SHB: variants seen among roughly 807,000 people sequenced by gnomAD.
The protein encoded by SHB is SH2 domain containing adaptor protein B, also known as SH2 domain-containing adapter protein B.
In SHB, 20 loss-of-function variants were observed where a neutral mutation model predicts 52.3. The observed-to-expected ratio is 0.38, with a 90% CI of 0.27 to 0.56. The LOEUF is 0.56. Among genes scored for constraint, SHB ranks in the 20% least tolerant of loss-of-function variants. The pLI, the probability that SHB is intolerant of heterozygous loss-of-function variation, is 0.71. For missense variants in SHB, 825 were observed against 723.3 expected (o/e 1.14, Z -1.61); for synonymous variants, 397 against 316.5 (o/e 1.25, Z -2.70).
intron 1 of SHB, among the ~76,000 whole-genome samples, chr9:38,049,635 CAA>C (rs147034881): frequency 6.7e-4 from 46 of 68,432 alleles, no homozygotes; most frequent in Non-Finnish European, 8.7e-4. Context: ...AAAAACAAAG[CAA>C]AAAAAAAAAA....
At chr9:38,060,267 C>T (rs186504290) in intron 1 of SHB, among the ~76,000 whole-genome samples, 8 of 152,204 alleles carry the variant, frequency 5.3e-5, no homozygotes, top group South Asian at 2.1e-4. Flanking sequence ...CTCTGCCTCC[C>T]GGGTTCAAGC....
At chr9:38,048,654 A>G (rs1821691409) in intron 1 of SHB, among the ~76,000 whole-genome samples, 4 of 152,184 alleles carry the variant, frequency 2.6e-5, no homozygotes, top group Admixed American at 2.0e-4. Context: ...TGATAAATAC[A>G]CATACAAAAA....
chr9:37,991,048 A>G (rs955848823), intron 2 of SHB, among the ~76,000 whole-genome samples: 4 of 152,238 alleles, frequency 2.6e-5, no homozygotes, highest in Non-Finnish European at 5.9e-5. Flanking sequence ...CTTCTTACTC[A>G]GAGCACATAT....
chr9:38,005,102 G>A (rs886637938), intron 2 of SHB, among the ~76,000 whole-genome samples: 2 of 152,194 alleles, frequency 1.3e-5, no homozygotes, highest in African/African-American at 4.8e-5. Context: ...CCCTCCAGGG[G>A]TTCCCAGTCT....
rs150262859 is a variant in SHB, at chr9:38,065,234, C to G, written c.717+2695G>C. ...TGTCTGGCTGGAAATAATGTGAAAACAACTGCTTCCTGACTGCCTGATGGG... is the reference window on the plus strand; with the variant it reads ...TGTCTGGCTGGAAATAATGTGAAAAGAACTGCTTCCTGACTGCCTGATGGG... On this transcript the variant is annotated intron_variant, in intron 1 of 5. Transcript: ENST00000377707. Among the ~76,000 whole-genome samples, 58 of 152,314 alleles carry G rather than the reference C, an allele frequency of 3.8e-4. 1 individual carries two copies. In the East Asian group the frequency reaches 0.011, roughly 28 times the overall value.
At chr9:38,009,653 T>C (rs141058868) in intron 2 of SHB, among the ~76,000 whole-genome samples, 123 of 152,252 alleles carry the variant, frequency 8.1e-4, no homozygotes, top group African/African-American at 2.8e-3. Context: ...ATGTTGCCAC[T>C]AGAAGAGGCC....
chr9:37,958,311 G>A (rs570360785), intron 3 of SHB, among the ~76,000 whole-genome samples: 1 of 152,174 alleles, frequency 6.6e-6, no homozygotes, highest in African/African-American at 2.4e-5. Context: ...CATGAGAGGA[G>A]GACTACGGGT....
chr9:38,063,428 T>C (rs1821919232), intron 1 of SHB, among the ~76,000 whole-genome samples: 1 of 152,216 alleles, frequency 6.6e-6, no homozygotes, highest in Non-Finnish European at 1.5e-5. Context: ...CCCCCAGCCA[T>C]CCTCTCCAGC....
At chr9:37,949,422 A>C (rs1431142568) in intron 4 of SHB, among the ~76,000 whole-genome samples, 1 of 151,878 alleles carries the variant, frequency 6.6e-6, no homozygotes, top group Non-Finnish European at 1.5e-5. Flanking sequence ...AAAAAGAAAA[A>C]AGAAAATGGA....
chr9:38,068,137 G>C lies in SHB; in HGVS notation c.509C>G (p.Pro170Arg). 1 of 1,439,624 alleles carries C rather than the reference G, an allele frequency of 6.9e-7. No individual in the cohort carries two copies. The highest frequency in any genetic ancestry group is 9.0e-7 in the Non-Finnish European group (1 of 1,108,798). 89.2% of individuals were successfully genotyped at this position (1,439,624 alleles called of 1,614,324 possible). ...HLYRSSSERR[P>R]ATPAEVRYIS... ...GTAGCGCACCTCGGCCGGCGTGGCG[G>C]GCCGCCGCTCGCTGCTGCTGCGGTA... Residue 170 changes from proline (P) to arginine (R), a missense_variant, in exon 1 of 6, where the codon CCC (proline) becomes CGC (arginine). Coordinates refer to ENST00000377707, the MANE Select transcript of SHB (RefSeq NM_003028.3).
intron 1 of SHB, among the ~76,000 whole-genome samples, chr9:38,054,162 C>A (rs1365402857): frequency 6.6e-6 from 1 of 152,230 alleles, no homozygotes; most frequent in Non-Finnish European, 1.5e-5. Context: ...GACCCTAAAG[C>A]CAGTGAGTGT....
At chr9:37,985,550 G>C (rs1820794571) in intron 2 of SHB, among the ~76,000 whole-genome samples, 1 of 152,256 alleles carries the variant, frequency 6.6e-6, no homozygotes, top group Non-Finnish European at 1.5e-5. Flanking sequence ...GACTCACTGA[G>C]GCGAGCTTGC....
rs551414087 is a variant in SHB, at chr9:38,043,058, GCT to G, written c.717+24869_717+24870del. ...AACTCCGTGCTTTTGGCCAAGCTGT[GCT>G]CTCTGCCTAGAGTACATTTCATTCT... On this transcript the variant is annotated intron_variant, in intron 1 of 5. Transcript: ENST00000377707. Among the ~76,000 whole-genome samples the G allele has an allele frequency of 2.6e-5, 4 of 152,276 alleles. No individual in the cohort carries two copies. In the South Asian group the frequency reaches 8.3e-4, roughly 32 times the overall value.
rs34605634 is a variant in SHB at position 38,053,102 on chromosome 9, C to CTT, written c.717+14826_717+14827insAA. 1.4e-3 allele frequency among the ~76,000 whole-genome samples: 211 copies of CTT among 151,884 alleles called. 1 individual carries two copies. The highest frequency in any genetic ancestry group is 5.0e-3 in the African/African-American group (205 of 41,386). On this transcript the variant is annotated intron_variant, in intron 1 of 5. Coordinates refer to ENST00000377707, the MANE Select transcript of SHB (RefSeq NM_003028.3). ...GCCATCAGCTGACACAGAGCTGACC[C>CTT]GTCACTGTCCCTTGCATCTGTGTAA... is the stretch of plus-strand genomic sequence containing the variant.
At chr9:38,026,419 C>A (rs1821344982) in intron 1 of SHB, among the ~76,000 whole-genome samples, 1 of 152,238 alleles carries the variant, frequency 6.6e-6, no homozygotes, top group Non-Finnish European at 1.5e-5. Context: ...ATCATTTCTC[C>A]CCGAACGGGA....
At chr9:37,947,785 G>GT (rs1396435737) in intron 5 of SHB, among the ~76,000 whole-genome samples, 1 of 152,270 alleles carries the variant, frequency 6.6e-6, no homozygotes, top group African/African-American at 2.4e-5. Context: ...TCTAACAGCG[G>GT]TAAGTGGGAC....
chr9:38,060,102 A>G (rs1821873640), intron 1 of SHB, among the ~76,000 whole-genome samples: 1 of 152,230 alleles, frequency 6.6e-6, no homozygotes, highest in African/African-American at 2.4e-5. Flanking sequence ...AGTATGGCAC[A>G]GTGGTTACAA....
Position 37,974,963 on chromosome 9 carries a change from C to T in SHB, c.839-126G>A, listed in dbSNP as rs1820638096. 7.4e-6 allele frequency: 6 copies of T among 815,064 alleles called. No individual in the cohort carries two copies. In the East Asian group the frequency reaches 1.3e-4, roughly 18 times the overall value. The allele number at this position is 815,064 out of a possible 1,614,324, so 50.5% of individuals were successfully genotyped here. A position where few individuals can be genotyped will look rare whatever the true frequency, so the allele number is the denominator to read the frequency against. Reference sequence around the variant, plus strand: ...AGGTGAGAACGACAGAGAGACAGACCCCTGTCTGGGTTTTACCCACCCCAC... The same window carrying T: ...AGGTGAGAACGACAGAGAGACAGACTCCTGTCTGGGTTTTACCCACCCCAC... On this transcript the variant is annotated intron_variant, in intron 2 of 5. Transcript: ENST00000377707.
rs1314320796 is a variant in SHB, at chr9:38,061,218, G to A, written c.717+6711C>T. ...TCCCAGCTACTTGAGAGGCTGAGGT[G>A]GGAGAATCGCCTGAGCCTGGGAAGT... On this transcript the variant is annotated intron_variant, in intron 1 of 5. Transcript: ENST00000377707. Among the ~76,000 whole-genome samples, 5 of 151,946 alleles carry A rather than the reference G, an allele frequency of 3.3e-5. No individual in the cohort carries two copies. The South Asian group carries it at 1.0e-3, about 32-fold the overall frequency.
Sources: allele counts gnomAD v4.1 joint callset (sites outside exome capture counted in the v4.1 genomes callset), GRCh38; gene constraint gnomAD v4.1.1; transcripts MANE v1.5; gene names NCBI Gene and HGNC (gene_info 2026-07-23, HGNC 2026-07-21).